The following ATL2 variants were observed in gnomAD, a reference collection of about 807,000 sequenced individuals.
ATL2 encodes atlastin GTPase 2.
A neutral mutation model predicts 73.9 loss-of-function variants in ATL2; 31 were observed. The observed-to-expected ratio is 0.42, with a 90% confidence interval of 0.32 to 0.57. The LOEUF (loss-of-function observed/expected upper bound fraction) is 0.57, where lower values mean the gene tolerates loss of function less well. ATL2 is among the 20% of genes least tolerant of loss of function. The pLI is 0.14. For missense variants in ATL2, 738 were observed against 702.6 expected (o/e 1.05, Z -0.57); for synonymous variants, 291 against 237.5 (o/e 1.23, Z -2.07).
At chr2:38,367,673 C>T (rs1671419740) in intron 1 of ATL2, among the ~76,000 whole-genome samples, 1 of 146,116 alleles carries the variant, frequency 6.8e-6, no homozygotes, top group Non-Finnish European at 1.5e-5. Flanking sequence ...ACTCTTTTCA[C>T]CCAGGCTGGA....
At chr2:38,332,474 G>A (rs938792621) in intron 2 of ATL2, among the ~76,000 whole-genome samples, 1 of 152,100 alleles carries the variant, frequency 6.6e-6, no homozygotes, top group Non-Finnish European at 1.5e-5. Flanking sequence ...CCAGAGTTCT[G>A]GGATTACAGG....
intron 1 of ATL2, among the ~76,000 whole-genome samples, chr2:38,371,743 C>G (rs1404784029): frequency 1.3e-5 from 2 of 151,816 alleles, no homozygotes; most frequent in Non-Finnish European, 2.9e-5. Context: ...ATTAAAAATA[C>G]AAAAATTAGC....
intron 8 of ATL2, among the ~76,000 whole-genome samples, chr2:38,310,105 T>C (rs1387267951): frequency 2.0e-5 from 3 of 152,176 alleles, no homozygotes; most frequent in Non-Finnish European, 4.4e-5. Context: ...CATTATAAAA[T>C]AGGTTAATCA....
intron 2 of ATL2, among the ~76,000 whole-genome samples, chr2:38,334,880 A>ATT (rs1553336537): frequency 4.2e-4 from 11 of 26,468 alleles, no homozygotes; most frequent in East Asian, 3.6e-3. Flanking sequence ...AATATATATT[A>ATT]TATAATATAT....
chr2:38,342,908 T>C (rs1254581285), intron 2 of ATL2, among the ~76,000 whole-genome samples: 3 of 151,308 alleles, frequency 2.0e-5, no homozygotes, highest in African/African-American at 7.3e-5. Context: ...TAAAGAATTA[T>C]ATTTCTATAG....
At chr2:38,341,454 T>C (rs188740729) in intron 2 of ATL2, among the ~76,000 whole-genome samples, 12 of 152,198 alleles carry the variant, frequency 7.9e-5, no homozygotes, top group Admixed American at 5.9e-4. Flanking sequence ...CTGGACAACA[T>C]AGTGAGAACC....
At chr2:38,361,339 G>A (rs1399630533) in intron 1 of ATL2, among the ~76,000 whole-genome samples, 1 of 125,926 alleles carries the variant, frequency 7.9e-6, no homozygotes, top group Non-Finnish European at 1.6e-5. Flanking sequence ...GGGTGACAGA[G>A]CAAGACTCCG....
chr2:38,355,408 G>A (rs13022510), intron 1 of ATL2, among the ~76,000 whole-genome samples: 37,313 of 152,062 alleles, frequency 0.25, 4,641 homozygotes, highest in South Asian at 0.35. Flanking sequence ...GAGCCACTGC[G>A]CCTGGCCATA....
chr2:38,332,693 C>T (rs1669069345), intron 2 of ATL2, among the ~76,000 whole-genome samples: 1 of 152,156 alleles, frequency 6.6e-6, no homozygotes, highest in Non-Finnish European at 1.5e-5. Context: ...GACTCCTAGT[C>T]ACACAAAACC....
intron 1 of ATL2, among the ~76,000 whole-genome samples, chr2:38,363,043 T>G (rs147534512): frequency 3.6e-4 from 55 of 152,282 alleles, no homozygotes; most frequent in African/African-American, 1.1e-3. Context: ...AAACACAGAG[T>G]GCCGACTATG....
At chr2:38,375,845 G>A (rs1023307380) in intron 1 of ATL2, among the ~76,000 whole-genome samples, 14 of 152,208 alleles carry the variant, frequency 9.2e-5, no homozygotes, top group African/African-American at 2.9e-4. Flanking sequence ...TTGGTTGGCA[G>A]ACAATAATAA....
intron 1 of ATL2, among the ~76,000 whole-genome samples, chr2:38,350,255 G>A (rs2124433195): frequency 6.6e-6 from 1 of 152,258 alleles, no homozygotes; most frequent in East Asian, 1.9e-4. Flanking sequence ...TTCCAAGTCA[G>A]TTTTCCCTAC....
chr2:38,352,132 C>A (rs935401858), intron 1 of ATL2, among the ~76,000 whole-genome samples: 4 of 21,044 alleles, frequency 1.9e-4, no homozygotes, highest in Admixed American at 8.6e-4. Flanking sequence ...AAAACAACAA[C>A]CAAAAAAAAA....
At chr2:38,356,470 G>A (rs778435103) in intron 1 of ATL2, among the ~76,000 whole-genome samples, 2 of 152,124 alleles carry the variant, frequency 1.3e-5, no homozygotes, top group African/African-American at 2.4e-5. Flanking sequence ...TGGGATTACA[G>A]GCATGAGCCA....
intron 7 of ATL2, among the ~76,000 whole-genome samples, chr2:38,311,155 A>C (rs1346841616): frequency 1.3e-5 from 2 of 152,152 alleles, no homozygotes; most frequent in African/African-American, 4.8e-5. Flanking sequence ...TACAAATAAA[A>C]AGTTTAGCCC....
At chr2:38,354,022 G>A (rs1018719266) in intron 1 of ATL2, 44 of 285,348 alleles carry the variant, frequency 1.5e-4, no homozygotes, top group African/African-American at 9.2e-4. Context: ...GTGAAACCCC[G>A]TCTCTATGAA....
chr2:38,356,135 T>A (rs78671325), intron 1 of ATL2, among the ~76,000 whole-genome samples: 9,305 of 152,074 alleles, frequency 0.061, 383 homozygotes, highest in Non-Finnish European at 0.085. Context: ...AAGTCACATT[T>A]AAAAAAAATC....
chr2:38,330,593 T>C (rs1488516736), intron 2 of ATL2, among the ~76,000 whole-genome samples: 1 of 152,214 alleles, frequency 6.6e-6, no homozygotes, highest in Non-Finnish European at 1.5e-5. Context: ...AAGTCAAGTA[T>C]ATGAACTATA....
intron 1 of ATL2, among the ~76,000 whole-genome samples, chr2:38,365,009 A>C (rs1452613373): frequency 1.3e-5 from 2 of 151,426 alleles, no homozygotes; most frequent in Non-Finnish European, 2.9e-5. Flanking sequence ...ACGCCACTGC[A>C]CTCCAGCCTG....
Sources: gnomAD v4.1 joint callset for allele counts (sites outside exome capture counted in the v4.1 genomes callset) on GRCh38, gnomAD v4.1.1 for gene constraint, MANE v1.5 for transcripts, NCBI Gene and HGNC (gene_info 2026-07-23, HGNC 2026-07-21) for gene names.